Variants in FRMD5 observed in about 807,000 individuals in gnomAD.
FRMD5 encodes the protein FERM domain-containing protein 5.
FRMD5 carries 20 observed loss-of-function variants against 69.0 expected under a neutral mutation model. The observed-to-expected ratio is 0.29, with a 90% CI of 0.20 to 0.42. The LOEUF (loss-of-function observed/expected upper bound fraction) is 0.42. Ranked by LOEUF, FRMD5 falls within the 10% of genes least tolerant of loss-of-function variation. FRMD5 has a pLI of 1.00. For synonymous variants in FRMD5, 271 were observed against 260.1 expected, an observed-to-expected ratio of 1.04 and a Z score of -0.40; for missense variants, 595 against 708.6, an observed-to-expected ratio of 0.84 and a Z score of 1.82.
At chr15:43,983,498 T>C (rs2140629860) in intron 1 of FRMD5, among the ~76,000 whole-genome samples, 1 of 152,326 alleles carries the variant, frequency 6.6e-6, no homozygotes, top group Admixed American at 6.5e-5. Context: ...AATACAGTCC[T>C]GTCTCCTCCA....
intron 1 of FRMD5, among the ~76,000 whole-genome samples, chr15:43,953,234 G>T (rs2090064475): frequency 6.6e-6 from 1 of 152,194 alleles, no homozygotes; most frequent in African/African-American, 2.4e-5. Context: ...GAGTTCTCAG[G>T]GCTTTCCCAG....
chr15:44,040,505 A>G (rs1478725541), intron 1 of FRMD5, among the ~76,000 whole-genome samples: 1 of 152,230 alleles, frequency 6.6e-6, no homozygotes, highest in Non-Finnish European at 1.5e-5. Context: ...AGTGGGGGCC[A>G]ATATTCAATG....
chr15:43,941,565 T>C (rs1316558010), intron 1 of FRMD5, among the ~76,000 whole-genome samples: 1 of 152,232 alleles, frequency 6.6e-6, no homozygotes, highest in Non-Finnish European at 1.5e-5. Flanking sequence ...GTGGGTGGAA[T>C]AGGGACTTTG....
At chr15:43,981,176 T>G (rs745455127) in intron 1 of FRMD5, among the ~76,000 whole-genome samples, 10 of 152,116 alleles carry the variant, frequency 6.6e-5, no homozygotes, top group Non-Finnish European at 8.8e-5. Context: ...GCCAGGCTGG[T>G]CTCAACCTCC....
chr15:43,920,704 A>C (rs2089478511), intron 2 of FRMD5, among the ~76,000 whole-genome samples: 1 of 152,218 alleles, frequency 6.6e-6, no homozygotes, highest in Admixed American at 6.5e-5. Flanking sequence ...TGTAAGCTCC[A>C]TGAAGGCCCA....
chr15:44,028,982 AGAC>A (rs1891559409), intron 1 of FRMD5, among the ~76,000 whole-genome samples: 1 of 152,258 alleles, frequency 6.6e-6, no homozygotes, highest in South Asian at 2.1e-4. Context: ...TCAAAGAAAT[AGAC>A]TAAACCATTT....
intron 1 of FRMD5, among the ~76,000 whole-genome samples, chr15:44,075,158 T>C (rs757610118): frequency 8.5e-5 from 13 of 152,174 alleles, no homozygotes; most frequent in Non-Finnish European, 1.8e-4. Context: ...AAAAATCACA[T>C]AGGCCTTGGA....
intron 1 of FRMD5, among the ~76,000 whole-genome samples, chr15:44,088,218 T>TG (rs1342790348): frequency 1.3e-5 from 2 of 152,088 alleles, no homozygotes; most frequent in Non-Finnish European, 2.9e-5. Flanking sequence ...GTATTCACAG[T>TG]TATGCAACCA....
Position 43,989,792 on chromosome 15 carries a change from C to T in FRMD5, c.103-65483G>A, listed in dbSNP as rs758828888. The stretch of plus-strand genomic sequence containing the variant: ...ACGGCCTGGATGGCCACGTACATGG[C>T]TGGCCTGTCGAAGATCTCCAACATG... On this transcript the variant is annotated intron_variant, in intron 1 of 13. Coordinates refer to ENST00000417257, the MANE Select transcript of FRMD5 (RefSeq NM_032892.5). 2.7e-5 allele frequency: 28 copies of T among 1,046,556 alleles called. 1 individual carries two copies. The highest frequency in any genetic ancestry group is 4.0e-5 in the Non-Finnish European group (27 of 674,378). 64.8% of individuals were successfully genotyped at this position (1,046,556 alleles called of 1,614,324 possible).
chr15:44,135,113 T>C (rs530857680), intron 1 of FRMD5, among the ~76,000 whole-genome samples: 15 of 152,306 alleles, frequency 9.8e-5, no homozygotes, highest in African/African-American at 2.4e-4. Flanking sequence ...CTAAAAAAGT[T>C]TGAATCCCCA....
rs2088254300 is a variant in FRMD5 at position 43,874,217 on chromosome 15, CCTT to C, written c.1378_1380del (p.Lys460del). ...GCAGTTGGGGTGCTGGCTTCAGATT[CCTT>C]CTCCTCCTCAATGCTGCAGGTGGCT... On this transcript the variant is annotated inframe_deletion, in exon 14 of 14. Coordinates refer to ENST00000417257, the MANE Select transcript of FRMD5 (RefSeq NM_032892.5). 5.0e-6 allele frequency: 8 copies of C among 1,614,242 alleles called. No homozygotes were observed. Among genetic ancestry groups the C allele is most frequent in the Non-Finnish European group, 6.8e-6 (8 of 1,180,044 alleles).
intron 1 of FRMD5, among the ~76,000 whole-genome samples, chr15:43,994,081 G>C (rs1889811610): frequency 6.6e-6 from 1 of 152,162 alleles, no homozygotes; most frequent in African/African-American, 2.4e-5. Flanking sequence ...TACATTCAAA[G>C]TAATTATTGA....
chr15:44,099,898 C>T (rs549563289), intron 1 of FRMD5, among the ~76,000 whole-genome samples: 1 of 152,090 alleles, frequency 6.6e-6, no homozygotes, highest in East Asian at 1.9e-4. Context: ...CCGAACTATT[C>T]TGATTAAGCA....
chr15:44,167,906 C>T (rs904468677), intron 1 of FRMD5, among the ~76,000 whole-genome samples: 1 of 152,166 alleles, frequency 6.6e-6, no homozygotes, highest in African/African-American at 2.4e-5. Flanking sequence ...AATTTAACTT[C>T]AAATTTGTGA....
chr15:43,993,448 C>T (rs1889780166), intron 1 of FRMD5, among the ~76,000 whole-genome samples: 1 of 152,188 alleles, frequency 6.6e-6, no homozygotes, highest in African/African-American at 2.4e-5. Flanking sequence ...CCGCCTTGGC[C>T]TCCCAAAGTG....
intron 1 of FRMD5, among the ~76,000 whole-genome samples, chr15:44,151,865 A>C (rs2077452615): frequency 6.6e-6 from 1 of 152,226 alleles, no homozygotes; most frequent in Non-Finnish European, 1.5e-5. Flanking sequence ...TAATGTCCGG[A>C]ATATATAGTA....
chr15:44,157,406 G>T (rs552017475), intron 1 of FRMD5, among the ~76,000 whole-genome samples: 18 of 152,176 alleles, frequency 1.2e-4, no homozygotes, highest in African/African-American at 4.3e-4. Flanking sequence ...ATAACTTTGG[G>T]TCATGTGATT....
At chr15:44,034,235 C>T (rs1480320019) in intron 1 of FRMD5, among the ~76,000 whole-genome samples, 1 of 152,210 alleles carries the variant, frequency 6.6e-6, no homozygotes, top group Non-Finnish European at 1.5e-5. Flanking sequence ...TTGAAAAGTA[C>T]AGTGATACAA....
chr15:43,937,513 C>T (rs2089781293), intron 1 of FRMD5, among the ~76,000 whole-genome samples: 1 of 152,004 alleles, frequency 6.6e-6, no homozygotes, highest in African/African-American at 2.4e-5. Context: ...TGGTACGTGC[C>T]TGTAATTCCA....
Sources: gnomAD v4.1 joint callset for allele counts (sites outside exome capture counted in the v4.1 genomes callset) on GRCh38, gnomAD v4.1.1 for gene constraint, MANE v1.5 for transcripts, NCBI Gene and HGNC (gene_info 2026-07-23, HGNC 2026-07-21) for gene names.